The following ZBBX variants were observed in gnomAD, a reference collection of about 807,000 sequenced individuals.
ZBBX encodes zinc finger B-box domain-containing protein 1.
A neutral mutation model predicts 108.5 loss-of-function variants in ZBBX; 101 were observed. The observed-to-expected ratio is 0.93, with a 90% CI of 0.79 to 1.10. The LOEUF (loss-of-function observed/expected upper bound fraction) is 1.10, where lower values mean the gene tolerates loss of function less well. ZBBX is among the 50% of genes least tolerant of loss of function. The pLI, the probability that ZBBX is intolerant of heterozygous loss-of-function variation, is 0.00. For missense variants in ZBBX, 1,009 were observed against 941.4 expected, an observed-to-expected ratio of 1.07 and a Z score of -0.94; for synonymous variants, 356 against 323.4, an observed-to-expected ratio of 1.10 and a Z score of -1.08.
At chr3:167,254,498 A>G (rs1413242048) in intron 20 of ZBBX, among the ~76,000 whole-genome samples, 1 of 152,330 alleles carries the variant, frequency 6.6e-6, no homozygotes, top group East Asian at 1.9e-4. Flanking sequence ...AGAGTACACT[A>G]TAACTAGGTA....
chr3:167,334,482 G>A (rs1368079068), intron 9 of ZBBX, among the ~76,000 whole-genome samples: 1 of 152,112 alleles, frequency 6.6e-6, no homozygotes, highest in Non-Finnish European at 1.5e-5. Context: ...GCTGAGACAG[G>A]AGGATTGCTT....
rs1228068487 is a variant in ZBBX, at chr3:167,348,358, A to AAG, written c.528+2060_528+2061dup. ...AAAGAAAGAAAGAAAGAAAGAAAGA[A>AAG]AGAAAGAAAGAAAAAAAAGAAAAGA... is the stretch of plus-strand genomic sequence containing the variant. On this transcript the variant is annotated intron_variant, in intron 9 of 21. Coordinates refer to ENST00000675490, the MANE Select transcript of ZBBX (RefSeq NM_001199201.2). 8.9e-4 allele frequency among the ~76,000 whole-genome samples: 128 copies of AAG among 144,326 alleles called. 1 individual carries two copies. Among genetic ancestry groups the AAG allele is most frequent in the East Asian group, 3.2e-3 (16 of 4,960 alleles). The allele number at this position is 144,326 out of a possible 152,430, so 94.7% of individuals were successfully genotyped here. A position where few individuals can be genotyped will look rare whatever the true frequency, so the allele number is the denominator to read the frequency against.
chr3:167,344,548 G>C (rs1741110374), intron 9 of ZBBX, among the ~76,000 whole-genome samples: 2 of 151,712 alleles, frequency 1.3e-5, no homozygotes, highest in Admixed American at 6.6e-5. Context: ...TCTCAAGACT[G>C]CTATCAAATC....
chr3:167,402,666 A>G (rs1239855986), intron 1 of ZBBX, among the ~76,000 whole-genome samples: 1 of 152,130 alleles, frequency 6.6e-6, no homozygotes, highest in Non-Finnish European at 1.5e-5. Flanking sequence ...AATTTAAAAG[A>G]TCTATCTTCA....
At chr3:167,276,037 C>T (rs545160652) in intron 20 of ZBBX, among the ~76,000 whole-genome samples, 134 of 150,800 alleles carry the variant, frequency 8.9e-4, no homozygotes, top group African/African-American at 3.1e-3. Flanking sequence ...CTCACACGGC[C>T]GGGTACTCCA....
rs535350412 is a variant in ZBBX, at chr3:167,250,883, T to C, written c.2255-8240A>G. On this transcript the variant is annotated intron_variant, in intron 20 of 21. Transcript: ENST00000675490. ...AATGTTGCATTTTCCAAGACCACTCTGGCCCACCATGCTCTCATTCTGGGC... is the reference window on the plus strand; with the variant it reads ...AATGTTGCATTTTCCAAGACCACTCCGGCCCACCATGCTCTCATTCTGGGC... Among the ~76,000 whole-genome samples, 94 of 152,268 alleles carry C rather than the reference T, an allele frequency of 6.2e-4. 1 individual carries two copies. Among genetic ancestry groups the C allele is most frequent in the Non-Finnish European group, 9.6e-4 (65 of 68,024 alleles).
intron 10 of ZBBX, among the ~76,000 whole-genome samples, chr3:167,330,812 G>T (rs1738320164): frequency 7.0e-6 from 1 of 143,534 alleles, no homozygotes; most frequent in Non-Finnish European, 1.5e-5. Context: ...GAAGAAGGAG[G>T]AGGAGAAGCA....
At chr3:167,254,227 C>T (rs1723084060) in intron 20 of ZBBX, among the ~76,000 whole-genome samples, 1 of 152,090 alleles carries the variant, frequency 6.6e-6, no homozygotes, top group Non-Finnish European at 1.5e-5. Context: ...TTTTTAACTT[C>T]CTCTCACTGT....
intron 2 of ZBBX, among the ~76,000 whole-genome samples, chr3:167,375,139 A>G (rs2108608894): frequency 6.6e-6 from 1 of 152,326 alleles, no homozygotes; most frequent in Admixed American, 6.5e-5. Context: ...CAGCACCAAA[A>G]CTGGAGTTAC....
chr3:167,380,866 GCACACACACACACACACACA>G, upstream of ZBBX, among the ~76,000 whole-genome samples: 1 of 141,442 alleles, frequency 7.1e-6, no homozygotes, highest in Non-Finnish European at 1.5e-5. Context: ...GCAAATATAT[GCACACACACACACACACACA>G]CACACACACA....
intron 1 of ZBBX, among the ~76,000 whole-genome samples, chr3:167,395,477 G>C (rs1748206260): frequency 6.6e-6 from 1 of 151,960 alleles, no homozygotes; most frequent in Admixed American, 6.6e-5. Context: ...AAATAATTCT[G>C]AGATCTGAAG....
At chr3:167,343,499 A>T (rs1392714139) in intron 9 of ZBBX, among the ~76,000 whole-genome samples, 1 of 151,892 alleles carries the variant, frequency 6.6e-6, no homozygotes, top group Non-Finnish European at 1.5e-5. Flanking sequence ...TCTAAAAGTA[A>T]TTAGCACAGA....
the ZBBX span, among the ~76,000 whole-genome samples, chr3:167,194,594 A>G: frequency 1.9e-4 from 29 of 152,338 alleles, no homozygotes; most frequent in Non-Finnish European, 3.1e-4. Flanking sequence ...ATGATCAGCC[A>G]GAGAGCTGTC....
At chr3:167,378,578 T>G (rs1747322247) in intron 2 of ZBBX, among the ~76,000 whole-genome samples, 1 of 152,154 alleles carries the variant, frequency 6.6e-6, no homozygotes, top group Non-Finnish European at 1.5e-5. Flanking sequence ...GTCTGATTTG[T>G]GACTTGACTT....
intron 4 of ZBBX, among the ~76,000 whole-genome samples, chr3:167,370,725 C>T (rs1053167031): frequency 5.3e-5 from 8 of 151,984 alleles, no homozygotes; most frequent in African/African-American, 1.9e-4. Flanking sequence ...GAAAGCAAGG[C>T]CACTTGAGGA....
At chr3:167,229,455 T>G in the ZBBX span, among the ~76,000 whole-genome samples, 1 of 151,868 alleles carries the variant, frequency 6.6e-6, no homozygotes, top group Non-Finnish European at 1.5e-5. Context: ...CCCCAAAGTC[T>G]GCCTCAGGGC....
chr3:167,184,702 G>A, the ZBBX span, among the ~76,000 whole-genome samples: 2,034 of 152,020 alleles, frequency 0.013, 22 homozygotes, highest in South Asian at 0.026. Flanking sequence ...TTCCACCTCC[G>A]AAAGCAGTAC....
chr3:167,335,729 A>G (rs1382958119), intron 9 of ZBBX, among the ~76,000 whole-genome samples: 3 of 151,788 alleles, frequency 2.0e-5, no homozygotes, highest in South Asian at 2.1e-4. Context: ...ATTCTGGAAT[A>G]TATCAGTGAA....
intron 17 of ZBBX, among the ~76,000 whole-genome samples, chr3:167,299,484 G>A (rs1732263414): frequency 6.6e-6 from 1 of 151,986 alleles, no homozygotes; most frequent in Non-Finnish European, 1.5e-5. Flanking sequence ...CGCAAATCTG[G>A]AAGAGTTTTG....
Sources: allele counts gnomAD v4.1 joint callset (sites outside exome capture counted in the v4.1 genomes callset), GRCh38; gene constraint gnomAD v4.1.1; transcripts MANE v1.5; gene names NCBI Gene and HGNC (gene_info 2026-07-23, HGNC 2026-07-21).